OSBPL10: variants seen among roughly 807,000 people sequenced by gnomAD.
The protein encoded by OSBPL10 is oxysterol binding protein like 10, also known as oxysterol-binding protein-related protein 10.
OSBPL10 carries 49 observed loss-of-function variants against 81.7 expected under a neutral mutation model. The observed-to-expected ratio is 0.60, with a 90% CI of 0.48 to 0.76. The LOEUF is 0.76. OSBPL10 is among the 30% of genes least tolerant of loss of function. The pLI, the probability that OSBPL10 is intolerant of heterozygous loss-of-function variation, is 0.00. For synonymous variants in OSBPL10, 419 were observed against 383.6 expected, an observed-to-expected ratio of 1.09 and a Z score of -1.08; for missense variants, 923 against 987.8, an observed-to-expected ratio of 0.93 and a Z score of 0.88.
chr3:31,884,538 G>A (rs1174909153), intron 1 of OSBPL10, among the ~76,000 whole-genome samples: 1 of 152,208 alleles, frequency 6.6e-6, no homozygotes, highest in Non-Finnish European at 1.5e-5. Flanking sequence ...AAGAATTCCT[G>A]TGGGTCACAT....
At chr3:31,718,783 C>G (rs1696538776) in intron 6 of OSBPL10, 1 of 152,062 alleles carries the variant, frequency 6.6e-6, no homozygotes, top group Non-Finnish European at 1.5e-5. Flanking sequence ...GACAAGTATC[C>G]TGCATAAAAC....
chr3:31,858,490 G>A (rs568587478), intron 3 of OSBPL10, among the ~76,000 whole-genome samples: 316 of 152,192 alleles, frequency 2.1e-3, no homozygotes, highest in Non-Finnish European at 3.3e-3. Flanking sequence ...TACCCCTCAC[G>A]GAAACTCATT....
chr3:31,717,867 TG>T (rs1696499277), intron 6 of OSBPL10, among the ~76,000 whole-genome samples: 1 of 152,226 alleles, frequency 6.6e-6, no homozygotes, highest in African/African-American at 2.4e-5. Context: ...TGCTCTGCTT[TG>T]TCCTGCTCTC....
At chr3:31,773,064 T>A (rs2125751308) in intron 4 of OSBPL10, among the ~76,000 whole-genome samples, 1 of 151,932 alleles carries the variant, frequency 6.6e-6, no homozygotes, top group Middle Eastern at 3.4e-3. Flanking sequence ...ACAAACAAAC[T>A]GACAAATAAA....
intron 1 of OSBPL10, among the ~76,000 whole-genome samples, chr3:31,903,623 G>A (rs1202786041): frequency 6.6e-6 from 1 of 152,054 alleles, no homozygotes; most frequent in Non-Finnish European, 1.5e-5. Context: ...GAGCCAGCAT[G>A]CTCAGCTATT....
In OSBPL10 at chr3:32,029,750, T is replaced by C. The variant is rs150261690; in HGVS notation, n.298+16741A>G. Among the ~76,000 whole-genome samples the C allele has an allele frequency of 6.8e-3, 1,032 of 152,218 alleles. 4 individuals are homozygous for C. Among genetic ancestry groups the C allele is most frequent in the Non-Finnish European group, 0.011 (739 of 68,008 alleles). On this transcript the variant is annotated intron_variant and non_coding_transcript_variant, in intron 2 of 3. Coordinates refer to the OSBPL10 transcript ENST00000479173. ...AAATGCATCATCTCACTGTAACCAA[T>C]GTCCATTCCCTAGAGGGGAAAATAT...
intron 1 of OSBPL10, among the ~76,000 whole-genome samples, chr3:31,880,665 A>G (rs1559503370): frequency 1.3e-5 from 2 of 152,104 alleles, no homozygotes; most frequent in African/African-American, 2.4e-5. Flanking sequence ...TTCCACTGAC[A>G]CTAGTCTTTT....
chr3:31,943,652 G>A (rs1388653799), intron 1 of OSBPL10, among the ~76,000 whole-genome samples: 4 of 152,080 alleles, frequency 2.6e-5, no homozygotes, highest in Non-Finnish European at 4.4e-5. Flanking sequence ...TGTATCAAGA[G>A]CATTAACTCC....
Position 31,885,679 on chromosome 3 carries a change from A to C in OSBPL10, c.282-5849T>G, listed in dbSNP as rs144719350. ...AACAACCCTTAGCCAAACCCCAGGC[A>C]AGAAGAGAAATAGAAAGGAGAGGCC... On this transcript the variant is annotated intron_variant, in intron 1 of 11. Transcript: ENST00000396556. Among the ~76,000 whole-genome samples the C allele has an allele frequency of 3.6e-3, 553 of 152,170 alleles. 3 individuals are homozygous for C. The highest frequency in any genetic ancestry group is 0.012 in the African/African-American group (514 of 41,516).
At position 31,709,902 on chromosome 3, in the gene OSBPL10, G is replaced by A. The variant is rs146319949; in HGVS notation, c.1096-7394C>T. On this transcript the variant is annotated intron_variant, in intron 6 of 11. Transcript: ENST00000396556. Reference sequence around the variant, plus strand: ...CTAGCACTTTAAAACCAAATCCAGCGCTGAATTAATAACACAGCCAAGAGC... The same window carrying A: ...CTAGCACTTTAAAACCAAATCCAGCACTGAATTAATAACACAGCCAAGAGC... 2.7e-3 allele frequency among the ~76,000 whole-genome samples: 412 copies of A among 152,284 alleles called. 3 individuals carry two copies. Among genetic ancestry groups the A allele is most frequent in the African/African-American group, 9.3e-3 (387 of 41,568 alleles).
Position 31,710,294 on chromosome 3 carries a change from T to C in OSBPL10, c.1096-7786A>G, listed in dbSNP as rs547206702. 2.6e-5 allele frequency among the ~76,000 whole-genome samples: 4 copies of C among 152,276 alleles called. No homozygotes were observed. The East Asian group carries it at 5.8e-4, about 22-fold the overall frequency. ...ACAGTGGCTGGCACACAAGAAGTGC[T>C]TGGTAAACAGCCATGCTCTGACGAG... On this transcript the variant is annotated intron_variant, in intron 6 of 11. Transcript: ENST00000396556.
At chr3:31,727,452 G>A (rs567842223) in intron 6 of OSBPL10, among the ~76,000 whole-genome samples, 1 of 152,162 alleles carries the variant, frequency 6.6e-6, no homozygotes, top group African/African-American at 2.4e-5. Flanking sequence ...GTTTGATGAT[G>A]AGAGATGAGG....
chr3:31,763,565 CT>C (rs1236924676), intron 4 of OSBPL10, among the ~76,000 whole-genome samples: 2 of 152,198 alleles, frequency 1.3e-5, no homozygotes, highest in Middle Eastern at 3.2e-3. Context: ...AATATTCTAA[CT>C]TGAGCTTGAT....
chr3:31,827,300 G>A (rs539418606), intron 4 of OSBPL10, among the ~76,000 whole-genome samples: 99 of 150,970 alleles, frequency 6.6e-4, no homozygotes, highest in East Asian at 1.5e-3. Context: ...AAAACAATAC[G>A]ATAAAGGAAA....
chr3:31,694,418 A>G (rs1575480849), intron 7 of OSBPL10, among the ~76,000 whole-genome samples: 1 of 146,208 alleles, frequency 6.8e-6, no homozygotes, highest in African/African-American at 2.5e-5. Flanking sequence ...CCCCTGCCCT[A>G]TATTATCCAT....
chr3:31,843,262 T>A (rs1700544166), intron 3 of OSBPL10, among the ~76,000 whole-genome samples: 1 of 152,182 alleles, frequency 6.6e-6, no homozygotes, highest in Admixed American at 6.5e-5. Flanking sequence ...GGGGCAGCCC[T>A]TGATCAATGG....
intron 4 of OSBPL10, among the ~76,000 whole-genome samples, chr3:31,818,284 G>A (rs974458095): frequency 6.6e-6 from 1 of 152,134 alleles, no homozygotes; most frequent in Non-Finnish European, 1.5e-5. Flanking sequence ...TCTTGAGCAA[G>A]AAGCAATTAT....
At chr3:31,761,285 A>T (rs1698030213) in intron 4 of OSBPL10, among the ~76,000 whole-genome samples, 1 of 151,976 alleles carries the variant, frequency 6.6e-6, no homozygotes, top group African/African-American at 2.4e-5. Flanking sequence ...CAGCCAGGCC[A>T]ACATAGTGAA....
chr3:32,011,787 C>T (rs922684523), intron 2 of OSBPL10, among the ~76,000 whole-genome samples: 5 of 152,056 alleles, frequency 3.3e-5, no homozygotes, highest in African/African-American at 1.2e-4. Flanking sequence ...ACGAGAACTA[C>T]GTGATGAATG....
Sources: allele counts gnomAD v4.1 joint callset (sites outside exome capture counted in the v4.1 genomes callset), GRCh38; gene constraint gnomAD v4.1.1; transcripts MANE v1.5; gene names NCBI Gene and HGNC (gene_info 2026-07-23, HGNC 2026-07-21).